CNTN4: variants seen among roughly 807,000 people sequenced by gnomAD.
CNTN4 encodes contactin 4.
Under a neutral mutation model 122.5 loss-of-function variants are expected in CNTN4, and 77 were observed. The observed-to-expected ratio is 0.63, with a 90% CI of 0.52 to 0.76. The LOEUF (loss-of-function observed/expected upper bound fraction) is 0.76. CNTN4 is among the 30% of genes least tolerant of loss of function. The pLI is 0.00. For missense variants in CNTN4, 1,256 were observed against 1,259.1 expected (o/e 1.00, Z 0.04); for synonymous variants, 512 against 447.0 (o/e 1.15, Z -1.83).
At chr3:2,408,728 C>T (rs968871548) in intron 3 of CNTN4, among the ~76,000 whole-genome samples, 3 of 152,014 alleles carry the variant, frequency 2.0e-5, no homozygotes, top group African/African-American at 7.3e-5. Flanking sequence ...TAGTATTTAT[C>T]AATACTAGGT....
chr3:2,380,083 GT>G (rs2045963224), intron 3 of CNTN4, among the ~76,000 whole-genome samples: 2 of 150,182 alleles, frequency 1.3e-5, no homozygotes, highest in African/African-American at 4.9e-5. Context: ...AAATCATAGG[GT>G]TTTGGTGATA....
intron 4 of CNTN4, among the ~76,000 whole-genome samples, chr3:2,584,796 G>C (rs2080109563): frequency 6.7e-6 from 1 of 150,260 alleles, no homozygotes. Context: ...GAAGGAGGAA[G>C]AAAACAAGCT....
At chr3:2,781,806 C>T (rs78068746) in intron 6 of CNTN4, among the ~76,000 whole-genome samples, 2 of 128,700 alleles carry the variant, frequency 1.6e-5, no homozygotes, top group Non-Finnish European at 3.2e-5. Context: ...CTCACTGCAA[C>T]CTCCGCCTCC....
chr3:2,419,605 G>A (rs1051974436), intron 3 of CNTN4, among the ~76,000 whole-genome samples: 1 of 152,142 alleles, frequency 6.6e-6, no homozygotes, highest in African/African-American at 2.4e-5. Flanking sequence ...ATGTCAAATA[G>A]CATTGTGTAA....
chr3:2,575,287 G>A (rs543876154), intron 4 of CNTN4, among the ~76,000 whole-genome samples: 24 of 152,106 alleles, frequency 1.6e-4, no homozygotes, highest in South Asian at 4.2e-4. Flanking sequence ...CAAAGCGGGC[G>A]GACCACTTAA....
chr3:2,941,328 T>C (rs1387980000), intron 13 of CNTN4, among the ~76,000 whole-genome samples: 9 of 152,144 alleles, frequency 5.9e-5, no homozygotes, highest in African/African-American at 2.2e-4. Context: ...CCCATGGCTG[T>C]AAACACCATG....
At chr3:2,302,760 A>T (rs538223301) in intron 2 of CNTN4, among the ~76,000 whole-genome samples, 1 of 152,320 alleles carries the variant, frequency 6.6e-6, no homozygotes, top group African/African-American at 2.4e-5. Context: ...ACTTTGTCCC[A>T]TGTGGAAGAA....
chr3:2,575,222 A>G (rs921404810), intron 4 of CNTN4, among the ~76,000 whole-genome samples: 29 of 152,086 alleles, frequency 1.9e-4, no homozygotes, highest in Non-Finnish European at 3.8e-4. Context: ...AAGTAATTAA[A>G]AAAAATAAGG....
rs185386804 is a variant in CNTN4 at position 2,373,473 on chromosome 3, C to T, written c.-89+34240C>T. Among the ~76,000 whole-genome samples, 195 of 152,328 alleles carry T rather than the reference C, an allele frequency of 1.3e-3. 1 individual carries two copies. Among genetic ancestry groups the T allele is most frequent in the Non-Finnish European group, 2.5e-4 (17 of 68,038 alleles). ...ATAATTAGAAAGTGTGGATGTCACACTTATTTTATAAACACTCTTTAAATG... is the reference window on the plus strand; with the variant it reads ...ATAATTAGAAAGTGTGGATGTCACATTTATTTTATAAACACTCTTTAAATG... On this transcript the variant is annotated intron_variant, in intron 3 of 24. Coordinates refer to ENST00000418658, the MANE Select transcript of CNTN4 (RefSeq NM_175607.3).
At chr3:2,513,676 C>G (rs575138344) in intron 3 of CNTN4, among the ~76,000 whole-genome samples, 1 of 152,240 alleles carries the variant, frequency 6.6e-6, no homozygotes, top group South Asian at 2.1e-4. Flanking sequence ...CCACAAATCT[C>G]AGAGAGGTAT....
chr3:2,261,518 G>A (rs2040832371), intron 2 of CNTN4, among the ~76,000 whole-genome samples: 1 of 152,178 alleles, frequency 6.6e-6, no homozygotes, highest in African/African-American at 2.4e-5. Flanking sequence ...GAAGAGAGAT[G>A]TGAGCATTCT....
At chr3:2,571,691 A>T in intron 4 of CNTN4, 133 bp downstream of exon 4, 1 of 723,342 alleles carries the variant, frequency 1.4e-6, no homozygotes, top group South Asian at 1.5e-5. Context: ...GCATTTGCTG[A>T]CACTGTTGAA....
chr3:2,334,232 A>G (rs774395693), intron 2 of CNTN4, among the ~76,000 whole-genome samples: 2 of 152,162 alleles, frequency 1.3e-5, no homozygotes, highest in African/African-American at 4.8e-5. Context: ...ATCTTGGCTC[A>G]TTGCAACCTC....
rs980892303 is a variant in CNTN4 at position 2,897,939 on chromosome 3, G to A, written c.941-2746G>A. 5.3e-5 allele frequency among the ~76,000 whole-genome samples: 8 copies of A among 152,144 alleles called. 1 individual carries two copies. The highest frequency in any genetic ancestry group is 2.0e-4 in the Admixed American group (3 of 15,264). Reference sequence around the variant, plus strand: ...CTGTACCCAATGCATTATCACAAAAGGGGAGGGGCTAATGATGTGTCTTAT... The same window carrying A: ...CTGTACCCAATGCATTATCACAAAAAGGGAGGGGCTAATGATGTGTCTTAT... On this transcript the variant is annotated intron_variant, in intron 10 of 24. Transcript: ENST00000418658.
intron 4 of CNTN4, among the ~76,000 whole-genome samples, chr3:2,629,077 C>CTG (rs1445794476): frequency 6.6e-6 from 1 of 152,176 alleles, no homozygotes. Context: ...ATGTTACAGA[C>CTG]TGAATGTCCC....
At chr3:2,127,757 G>C (rs2034249688) in intron 2 of CNTN4, among the ~76,000 whole-genome samples, 1 of 152,142 alleles carries the variant, frequency 6.6e-6, no homozygotes, top group Non-Finnish European at 1.5e-5. Flanking sequence ...ACTAAATGGA[G>C]CCACATTCAT....
chr3:2,851,157 G>A (rs1397974530), intron 7 of CNTN4, among the ~76,000 whole-genome samples: 1 of 152,178 alleles, frequency 6.6e-6, no homozygotes, highest in African/African-American at 2.4e-5. Context: ...CATAAAGGGA[G>A]CATTTTCTAT....
intron 4 of CNTN4, among the ~76,000 whole-genome samples, chr3:2,657,098 A>T (rs1381211403): frequency 6.6e-6 from 1 of 152,140 alleles, no homozygotes; most frequent in East Asian, 1.9e-4. Flanking sequence ...ACTGTTAAAA[A>T]CTCAAAATAA....
At chr3:2,442,693 T>A (rs894433052) in intron 3 of CNTN4, among the ~76,000 whole-genome samples, 1 of 152,172 alleles carries the variant, frequency 6.6e-6, no homozygotes, top group Non-Finnish European at 1.5e-5. Context: ...TTTTATTCTA[T>A]TATGTGGACC....
Sources: allele counts gnomAD v4.1 joint callset (sites outside exome capture counted in the v4.1 genomes callset), GRCh38; gene constraint gnomAD v4.1.1; transcripts MANE v1.5; gene names NCBI Gene and HGNC (gene_info 2026-07-23, HGNC 2026-07-21).